PKP4: variants seen among roughly 807,000 people sequenced by gnomAD.
PKP4 encodes the protein plakophilin 4.
In PKP4, 90 loss-of-function variants were observed where a neutral mutation model predicts 145.1. That is an observed-to-expected ratio of 0.62 (90% CI 0.52 to 0.74). PKP4 has a LOEUF of 0.74. PKP4 is among the 30% of genes least tolerant of loss of function. The probability of loss-of-function intolerance (pLI) is 0.00; values close to 1 mark genes in which losing one functional copy is unlikely to be tolerated. For synonymous variants in PKP4, 563 were observed against 577.2 expected (o/e 0.98, Z 0.35); for missense variants, 1,340 against 1,482.7 (o/e 0.90, Z 1.58).
chr2:158,645,920 C>T (rs2054784134), intron 11 of PKP4, among the ~76,000 whole-genome samples: 1 of 152,128 alleles, frequency 6.6e-6, no homozygotes, highest in Admixed American at 6.5e-5. Flanking sequence ...ACTTTACTAC[C>T]AAGGGCTTTT....
intron 1 of PKP4, among the ~76,000 whole-genome samples, chr2:158,529,076 G>C (rs1446470155): frequency 6.6e-6 from 1 of 152,154 alleles, no homozygotes; most frequent in East Asian, 1.9e-4. Context: ...TCGAGACTCT[G>C]ATTAAAGATC....
At chr2:158,530,505 T>C (rs983914354) in intron 1 of PKP4, among the ~76,000 whole-genome samples, 414 of 29,390 alleles carry the variant, frequency 0.014, no homozygotes, top group East Asian at 0.074. Context: ...TCTTTCTTTC[T>C]TTTTTTTTTT....
intron 1 of PKP4, among the ~76,000 whole-genome samples, chr2:158,531,865 A>T (rs1050113434): frequency 5.3e-5 from 8 of 152,194 alleles, no homozygotes; most frequent in African/African-American, 1.7e-4. Context: ...CAGGCAAGAG[A>T]ACTCATGAGG....
chr2:158,480,395 C>A (rs531721844), intron 1 of PKP4, among the ~76,000 whole-genome samples: 1 of 152,186 alleles, frequency 6.6e-6, no homozygotes, highest in African/African-American at 2.4e-5. Flanking sequence ...CACCACCACG[C>A]CCAGCTAATT....
At chr2:158,493,203 C>T (rs1306041141) in intron 1 of PKP4, among the ~76,000 whole-genome samples, 1 of 152,062 alleles carries the variant, frequency 6.6e-6, no homozygotes, top group Non-Finnish European at 1.5e-5. Flanking sequence ...AGATGAGAAT[C>T]TCTGCCTTAT....
chr2:158,653,658 A>T (rs1480865882), intron 11 of PKP4, among the ~76,000 whole-genome samples: 3 of 152,262 alleles, frequency 2.0e-5, no homozygotes, highest in Non-Finnish European at 4.4e-5. Context: ...TAAATTAAAT[A>T]AAACCTCAAG....
At chr2:158,652,042 T>C (rs3771668) in intron 11 of PKP4, among the ~76,000 whole-genome samples, 4,977 of 152,272 alleles carry the variant, frequency 0.033, 225 homozygotes, top group East Asian at 0.18. Flanking sequence ...CGCTGTTCAA[T>C]AGGAGAATAA....
chr2:158,680,643 A>T lies in PKP4; in HGVS notation c.3545A>T (p.Glu1182Val). 1 of 1,614,012 alleles carries T rather than the reference A, an allele frequency of 6.2e-7. No homozygotes were observed. The highest frequency in any genetic ancestry group is 1.1e-5 in the South Asian group (1 of 91,066). The change falls in exon 22 of 22, where the codon GAA (glutamate) becomes GTA (valine). Residue 1182 changes from glutamate (E) to valine (V), a missense_variant. By Grantham distance (121) the Glu-to-Val change is moderately radical. Coordinates refer to ENST00000389759, the MANE Select transcript of PKP4 (RefSeq NM_003628.6). ...ACTAAACGACCTTCTTATAGAGCAG[A>T]ACAGTACCCAGGGTCCCCAGACTCA... is the stretch of plus-strand genomic sequence containing the variant. ...YSTKRPSYRA[E>V]QYPGSPDSWV
chr2:158,494,794 C>T (rs1695441055), intron 1 of PKP4, among the ~76,000 whole-genome samples: 1 of 151,934 alleles, frequency 6.6e-6, no homozygotes, highest in Non-Finnish European at 1.5e-5. Context: ...GAGCCTATGT[C>T]CTAATCAGTG....
chr2:158,609,394 C>T (rs2050936195), intron 4 of PKP4, among the ~76,000 whole-genome samples: 1 of 152,144 alleles, frequency 6.6e-6, no homozygotes, highest in South Asian at 2.1e-4. Flanking sequence ...TTGACAAAAG[C>T]AACCTCTTTA....
chr2:158,561,000 A>G (rs537869420), intron 2 of PKP4, among the ~76,000 whole-genome samples: 79 of 152,366 alleles, frequency 5.2e-4, no homozygotes, highest in African/African-American at 1.8e-3. Context: ...TACCGGCTGA[A>G]TCTGGCCCTC....
chr2:158,650,964 C>T (rs2055308765), intron 11 of PKP4, among the ~76,000 whole-genome samples: 1 of 152,184 alleles, frequency 6.6e-6, no homozygotes, highest in Non-Finnish European at 1.5e-5. Context: ...ATGGAGGGGT[C>T]ACTGCACAGG....
rs1436388226 is a variant in PKP4 at position 158,631,734 on chromosome 2, G to A, written c.1154-19G>A. The A allele has an allele frequency of 3.1e-6, 5 of 1,605,306 alleles. No individual in the cohort carries two copies. The South Asian group carries it at 5.5e-5, about 18-fold the overall frequency. ...TGTGATTGTCTCAGTTCTTAACGAT[G>A]TAATTTTTGTGCCTCTAGGCTTACG... is the stretch of plus-strand genomic sequence containing the variant. On this transcript the variant is annotated intron_variant, in intron 7 of 21. Transcript: ENST00000389759.
chr2:158,667,832 C>T (rs545648309), intron 16 of PKP4, among the ~76,000 whole-genome samples: 1 of 152,302 alleles, frequency 6.6e-6, no homozygotes, highest in African/African-American at 2.4e-5. Context: ...CCCACACTTC[C>T]TTTACAGAAA....
chr2:158,472,159 G>A (rs1013886585), intron 1 of PKP4, among the ~76,000 whole-genome samples: 1 of 152,124 alleles, frequency 6.6e-6, no homozygotes, highest in Non-Finnish European at 1.5e-5. Context: ...GATGTTAGGG[G>A]TTCTCACCAC....
At chr2:158,529,839 A>G (rs1271049625) in intron 1 of PKP4, among the ~76,000 whole-genome samples, 1 of 152,062 alleles carries the variant, frequency 6.6e-6, no homozygotes, top group Non-Finnish European at 1.5e-5. Flanking sequence ...TATTTTTTGT[A>G]TTTTAATTTT....
chr2:158,470,283 T>C (rs1029441399), intron 1 of PKP4, among the ~76,000 whole-genome samples: 4 of 152,206 alleles, frequency 2.6e-5, no homozygotes, highest in African/African-American at 4.8e-5. Flanking sequence ...TTTACCCTGC[T>C]GGATCATATT....
intron 2 of PKP4, among the ~76,000 whole-genome samples, chr2:158,547,885 G>T (rs542774898): frequency 7.0e-4 from 106 of 152,378 alleles, no homozygotes; most frequent in Admixed American, 2.5e-3. Context: ...ATTAGGCTGA[G>T]CGTCGAGGAG....
chr2:158,522,542 CCCT>C (rs1362204159), intron 1 of PKP4, among the ~76,000 whole-genome samples: 1 of 152,146 alleles, frequency 6.6e-6, no homozygotes, highest in Admixed American at 6.5e-5. Flanking sequence ...CCATAGTGAA[CCCT>C]CCTCTAAAAC....
Sources: allele counts gnomAD v4.1 joint callset (sites outside exome capture counted in the v4.1 genomes callset), GRCh38; gene constraint gnomAD v4.1.1; transcripts MANE v1.5; gene names NCBI Gene and HGNC (gene_info 2026-07-23, HGNC 2026-07-21).